The following SOX5 variants were observed in gnomAD, a reference collection of about 807,000 sequenced individuals.
SOX5 encodes SRY-box transcription factor 5.
In SOX5, 9 loss-of-function variants were observed where a neutral mutation model predicts 92.0. That is an observed-to-expected ratio of 0.10 (90% confidence interval 0.06 to 0.17). The LOEUF is 0.17. SOX5 is among the 10% of genes least tolerant of loss of function. SOX5 has a pLI of 1.00. For missense variants in SOX5, 642 were observed against 944.5 expected, an observed-to-expected ratio of 0.68 and a Z score of 4.20; for synonymous variants, 344 against 336.3, an observed-to-expected ratio of 1.02 and a Z score of -0.25.
chr12:24,056,364 A>T lies in SOX5; in HGVS notation c.-2+156979T>A, dbSNP rs928992944. Among the ~76,000 whole-genome samples, 5 of 152,136 alleles carry T rather than the reference A, an allele frequency of 3.3e-5. 1 individual carries two copies. The highest frequency in any genetic ancestry group is 3.3e-4 in the Admixed American group (5 of 15,282). Reference sequence around the variant, plus strand: ...ATAAACCCATCACAAAATAATTTCAACTCTATTTAATCCTGTAGTTGAAAT... The same window carrying T: ...ATAAACCCATCACAAAATAATTTCATCTCTATTTAATCCTGTAGTTGAAAT... On this transcript the variant is annotated intron_variant, in intron 4 of 4. Transcript: ENST00000446891.
At chr12:23,569,819 T>G (rs1024394549) in intron 10 of SOX5, among the ~76,000 whole-genome samples, 6 of 152,232 alleles carry the variant, frequency 3.9e-5, no homozygotes, top group African/African-American at 1.4e-4. Flanking sequence ...GATGAGTACT[T>G]CCCACACATG....
Position 23,665,507 on chromosome 12 carries a change from G to T in SOX5, c.868C>A (p.Leu290Met). 1 of 1,613,568 alleles carries T rather than the reference G, an allele frequency of 6.2e-7. No individual in the cohort carries two copies. Among genetic ancestry groups the T allele is most frequent in the Non-Finnish European group, 8.5e-7 (1 of 1,179,576 alleles). ...IPVFPPDQRT[L>M]AAAAQQGFLL... ...AATCCTTGCTGGGCAGCTGCAGCCA[G>T]TGTCCGTTGATCAGGAGGGAATACG... is the stretch of plus-strand genomic sequence containing the variant. Residue 290 changes from leucine (L) to methionine (M), a missense_variant, in exon 7 of 15, where the codon CTG becomes ATG. Around this residue, in one of 8 missense-constraint regions of SOX5, gnomAD observed 324 missense variants for 461.6 expected, o/e 0.70. Transcript: ENST00000451604.
chr12:24,267,140 C>T (rs1428779104), intron 3 of SOX5, among the ~76,000 whole-genome samples: 1 of 152,124 alleles, frequency 6.6e-6, no homozygotes, highest in African/African-American at 2.4e-5. Flanking sequence ...GTGGGAGGAA[C>T]ACTTGAGCCC....
At chr12:23,669,367 A>T (rs933495061) in intron 6 of SOX5, among the ~76,000 whole-genome samples, 2 of 152,080 alleles carry the variant, frequency 1.3e-5, no homozygotes, top group Non-Finnish European at 2.9e-5. Flanking sequence ...AGAAAAAAAC[A>T]TCATGTGAGG....
At chr12:23,892,242 G>C (rs183780404) in intron 2 of SOX5, among the ~76,000 whole-genome samples, 1 of 152,128 alleles carries the variant, frequency 6.6e-6, no homozygotes, top group African/African-American at 2.4e-5. Flanking sequence ...TTTTTGAACT[G>C]AGTCTTATGG....
chr12:23,933,603 T>C (rs1032852991), intron 1 of SOX5, among the ~76,000 whole-genome samples: 1 of 151,612 alleles, frequency 6.6e-6, no homozygotes, highest in Non-Finnish European at 1.5e-5. Context: ...AGATGCAGTA[T>C]TGCTCAAAAT....
intron 3 of SOX5, among the ~76,000 whole-genome samples, chr12:24,272,243 A>G (rs1454877009): frequency 6.6e-6 from 1 of 152,222 alleles, no homozygotes; most frequent in Non-Finnish European, 1.5e-5. Context: ...ATGCTGATAT[A>G]TAGAAAAACT....
rs536730777 is a variant in SOX5, at chr12:23,533,914, A to C, written c.*305T>G. 1.3e-5 allele frequency: 3 copies of C among 231,218 alleles called. No individual in the cohort carries two copies. The highest frequency in any genetic ancestry group is 6.8e-5 in the African/African-American group (3 of 44,322). The allele number at this position is 231,218 out of a possible 1,614,324, so 14.3% of individuals were successfully genotyped here. ...AAACAGCCATAAAGTTTATTTAAAA[A>C]AAAAAAAAAGTTGACGGGTAAGACT... On this transcript the variant is annotated 3_prime_UTR_variant, in exon 15 of 15. Transcript: ENST00000451604.
intron 4 of SOX5, among the ~76,000 whole-genome samples, chr12:24,095,126 C>CAGAGAGAGAGAG (rs1469520600): frequency 2.7e-4 from 24 of 90,194 alleles, no homozygotes; most frequent in East Asian, 2.5e-3. Context: ...CACACACACA[C>CAGAGAGAGAGAG]ACAGAGAGAG....
At chr12:24,262,250 AGCC>A (rs879885361) in intron 3 of SOX5, among the ~76,000 whole-genome samples, 64 of 152,230 alleles carry the variant, frequency 4.2e-4, no homozygotes, top group Non-Finnish European at 6.5e-4. Context: ...TTCTTACAGC[AGCC>A]CTCAATCAAG....
At chr12:23,736,462 A>G (rs1366992036) in intron 5 of SOX5, among the ~76,000 whole-genome samples, 2 of 152,030 alleles carry the variant, frequency 1.3e-5, no homozygotes, top group Non-Finnish European at 2.9e-5. Flanking sequence ...ACTCCGTCTC[A>G]GAAATAATAA....
At chr12:23,744,745 A>G (rs1168141177) in intron 4 of SOX5, among the ~76,000 whole-genome samples, 1 of 152,146 alleles carries the variant, frequency 6.6e-6, no homozygotes, top group Non-Finnish European at 1.5e-5. Flanking sequence ...ACACAGATTT[A>G]AGCATATACA....
chr12:24,336,417 G>C (rs1261258088), intron 2 of SOX5, among the ~76,000 whole-genome samples: 1 of 152,028 alleles, frequency 6.6e-6, no homozygotes, highest in African/African-American at 2.4e-5. Context: ...TTACGTCAAA[G>C]TTCAGCATAA....
intron 4 of SOX5, among the ~76,000 whole-genome samples, chr12:24,206,572 A>C (rs1159995868): frequency 6.6e-6 from 1 of 150,880 alleles, no homozygotes; most frequent in African/African-American, 2.4e-5. Flanking sequence ...CCCCCAAAAA[A>C]CATCAACCGC....
chr12:24,290,992 T>C (rs1946556733), intron 2 of SOX5, among the ~76,000 whole-genome samples: 1 of 152,226 alleles, frequency 6.6e-6, no homozygotes, highest in Non-Finnish European at 1.5e-5. Context: ...TGATGGCTGA[T>C]AAATTTTTAC....
At chr12:23,536,744 A>T in intron 13 of SOX5, 75 bp from the exon 14 acceptor site, 3 of 1,165,756 alleles carry the variant, frequency 2.6e-6, no homozygotes, top group Middle Eastern at 2.0e-4. Context: ...GCTGAGAACA[A>T]GAAAATCTAA....
At chr12:23,724,309 A>G (rs572236790) in intron 6 of SOX5, among the ~76,000 whole-genome samples, 2 of 152,046 alleles carry the variant, frequency 1.3e-5, no homozygotes, top group Non-Finnish European at 2.9e-5. Context: ...CACAGGCCTC[A>G]GTTCTATCAT....
intron 1 of SOX5, among the ~76,000 whole-genome samples, chr12:23,911,710 T>G (rs1003178330): frequency 4.6e-5 from 7 of 152,136 alleles, no homozygotes; most frequent in Admixed American, 3.3e-4. Context: ...CAAAGTGGTT[T>G]GAATGACTCC....
At chr12:23,762,272 C>A (rs1204205555) in intron 3 of SOX5, among the ~76,000 whole-genome samples, 1 of 152,052 alleles carries the variant, frequency 6.6e-6, no homozygotes, top group South Asian at 2.1e-4. Flanking sequence ...CAGTGGTGGG[C>A]CTATAGTCCC....
Sources: allele counts gnomAD v4.1 joint callset (sites outside exome capture counted in the v4.1 genomes callset), GRCh38; gene constraint gnomAD v4.1.1; regional missense constraint gnomAD v4.1.1; transcripts MANE v1.5; gene names NCBI Gene and HGNC (gene_info 2026-07-23, HGNC 2026-07-21).